IMMP2L: variants seen among roughly 807,000 people sequenced by gnomAD.
IMMP2L encodes the protein inner mitochondrial membrane peptidase subunit 2.
A neutral mutation model predicts 19.3 loss-of-function variants in IMMP2L; 18 were observed. The observed-to-expected ratio is 0.93, with a 90% CI of 0.64 to 1.38. IMMP2L has a LOEUF of 1.38. IMMP2L is among the 40% of genes most tolerant of loss of function. The pLI is 0.00. For missense variants in IMMP2L, 233 were observed against 218.2 expected (o/e 1.07, Z -0.43); for synonymous variants, 76 against 73.0 (o/e 1.04, Z -0.21).
intron 3 of IMMP2L, among the ~76,000 whole-genome samples, chr7:111,072,459 A>C (rs971688229): frequency 6.6e-6 from 1 of 152,206 alleles, no homozygotes; most frequent in Admixed American, 6.5e-5. Context: ...ATGCAGTGTA[A>C]ACTGCATTAC....
At chr7:110,713,532 C>T (rs1392681957) in intron 5 of IMMP2L, among the ~76,000 whole-genome samples, 1 of 152,108 alleles carries the variant, frequency 6.6e-6, no homozygotes, top group Non-Finnish European at 1.5e-5. Context: ...TTAATTCTTC[C>T]AATCAATGAG....
chr7:111,242,100 G>A (rs1191876208), intron 3 of IMMP2L, among the ~76,000 whole-genome samples: 1 of 151,930 alleles, frequency 6.6e-6, no homozygotes, highest in African/African-American at 2.4e-5. Flanking sequence ...AGGTTAAAAT[G>A]AAAACAATAA....
chr7:110,888,987 G>C (rs1810508052), intron 4 of IMMP2L, among the ~76,000 whole-genome samples: 1 of 152,212 alleles, frequency 6.6e-6, no homozygotes, highest in Non-Finnish European at 1.5e-5. Flanking sequence ...GAATAATAGA[G>C]TGGGAAGTAC....
intron 2 of IMMP2L, among the ~76,000 whole-genome samples, chr7:111,489,651 C>T (rs1326908281): frequency 6.6e-6 from 1 of 152,146 alleles, no homozygotes; most frequent in African/African-American, 2.4e-5. Flanking sequence ...TGTCAAAATT[C>T]TGCATGGAGG....
chr7:111,142,315 G>A (rs1334858939), intron 3 of IMMP2L, among the ~76,000 whole-genome samples: 8 of 137,128 alleles, frequency 5.8e-5, no homozygotes, highest in Non-Finnish European at 9.0e-5. Flanking sequence ...AACAGGGTGA[G>A]ACTCTGTCTC....
rs557537737 is a variant in IMMP2L at position 111,411,471 on chromosome 7, C to T, written c.239+75767G>A. ...CTCTTCGTGTACCTGAACGAAGTCA[C>T]GGGCAAGCACGGCATGGGCTGTATT... is the stretch of plus-strand genomic sequence containing the variant. On this transcript the variant is annotated intron_variant, in intron 3 of 5. Coordinates refer to ENST00000405709, the MANE Select transcript of IMMP2L (RefSeq NM_032549.4). 3.6e-4 allele frequency: 177 copies of T among 486,746 alleles called. 4 individuals carry two copies. The Middle Eastern group carries it at 5.5e-3, about 15-fold the overall frequency. The allele number at this position is 486,746 out of a possible 1,614,324, so 30.2% of individuals were successfully genotyped here. A position where few individuals can be genotyped will look rare whatever the true frequency, so the allele number is the denominator to read the frequency against.
At chr7:111,535,339 A>AG (rs869275535) in intron 1 of IMMP2L, among the ~76,000 whole-genome samples, 1 of 152,038 alleles carries the variant, frequency 6.6e-6, no homozygotes, top group African/African-American at 2.4e-5. Flanking sequence ...GGAAAGAAAG[A>AG]GGGGGAAAAA....
rs1443834621 is a variant in IMMP2L, at chr7:111,391,668, A to G, written c.239+95570T>C. Among the ~76,000 whole-genome samples the G allele has an allele frequency of 3.3e-5, 5 of 152,300 alleles. No individual in the cohort carries two copies. In the East Asian group the frequency reaches 9.6e-4, roughly 29 times the overall value. On this transcript the variant is annotated intron_variant, in intron 3 of 5. Coordinates refer to ENST00000405709, the MANE Select transcript of IMMP2L (RefSeq NM_032549.4). ...CCAACGTGAAAATTATAGGTAATGC[A>G]CTGCCTTCGTTTTATACAGAATGAC...
At chr7:111,276,578 G>C (rs1260639893) in intron 3 of IMMP2L, among the ~76,000 whole-genome samples, 7 of 148,774 alleles carry the variant, frequency 4.7e-5, no homozygotes, top group Admixed American at 6.8e-5. Flanking sequence ...CTGATCCTGG[G>C]CTTTTACCAA....
chr7:110,788,362 G>A (rs1800229334), intron 5 of IMMP2L, among the ~76,000 whole-genome samples: 1 of 149,286 alleles, frequency 6.7e-6, no homozygotes, highest in African/African-American at 2.6e-5. Flanking sequence ...TGATGCAGTG[G>A]ATTTAAGCTA....
chr7:111,463,693 T>C (rs1840351046), intron 3 of IMMP2L, among the ~76,000 whole-genome samples: 1 of 152,116 alleles, frequency 6.6e-6, no homozygotes, highest in African/African-American at 2.4e-5. Context: ...TATGATGACA[T>C]CCCACTGTTG....
intron 3 of IMMP2L, among the ~76,000 whole-genome samples, chr7:111,417,688 G>T (rs983536678): frequency 2.0e-5 from 3 of 151,844 alleles, no homozygotes; most frequent in African/African-American, 7.3e-5. Flanking sequence ...CTACTCTGTG[G>T]AAAATTCTTC....
At chr7:111,470,383 C>T (rs1841128381) in intron 3 of IMMP2L, among the ~76,000 whole-genome samples, 1 of 151,818 alleles carries the variant, frequency 6.6e-6, no homozygotes, top group African/African-American at 2.4e-5. Flanking sequence ...GGGTATATAC[C>T]CAAAGGACTA....
intron 3 of IMMP2L, among the ~76,000 whole-genome samples, chr7:111,130,780 G>A (rs968382809): frequency 2.6e-5 from 4 of 151,944 alleles, no homozygotes; most frequent in Admixed American, 6.6e-5. Context: ...AAAAGAATAC[G>A]ATATAAAATT....
intron 3 of IMMP2L, among the ~76,000 whole-genome samples, chr7:111,339,138 A>C (rs927310334): frequency 3.9e-5 from 6 of 152,100 alleles, no homozygotes; most frequent in Admixed American, 3.3e-4. Context: ...CAACTGAATT[A>C]TATAATAGAA....
At chr7:111,007,869 C>A (rs1824471953) in intron 3 of IMMP2L, among the ~76,000 whole-genome samples, 1 of 152,000 alleles carries the variant, frequency 6.6e-6, no homozygotes, top group Non-Finnish European at 1.5e-5. Flanking sequence ...AAGCCTGATT[C>A]CCCGACTTTC....
intron 3 of IMMP2L, among the ~76,000 whole-genome samples, chr7:111,326,824 C>G (rs1261323196): frequency 6.6e-6 from 1 of 151,770 alleles, no homozygotes; most frequent in African/African-American, 2.4e-5. Flanking sequence ...TTGGAGCAAT[C>G]CCATTTTCAG....
intron 3 of IMMP2L, among the ~76,000 whole-genome samples, chr7:111,220,060 T>C (rs990866480): frequency 2.6e-5 from 4 of 152,064 alleles, no homozygotes; most frequent in African/African-American, 9.7e-5. Context: ...ATGTCACTTA[T>C]CTACTAGGTT....
At position 111,327,045 on chromosome 7, in the gene IMMP2L, G is replaced by A. The variant is rs143575378; in HGVS notation, c.239+160193C>T. Among the ~76,000 whole-genome samples, 842 of 151,756 alleles carry A rather than the reference G, an allele frequency of 5.5e-3. 7 individuals are homozygous for A. The highest frequency in any genetic ancestry group is 0.028 in the South Asian group (133 of 4,806). On this transcript the variant is annotated intron_variant, in intron 3 of 5. Coordinates refer to ENST00000405709, the MANE Select transcript of IMMP2L (RefSeq NM_032549.4). ...ATATTATTCAGCTTCTAAAAAGAAG[G>A]GAATCCTGGCATATGGATGGGGAAA...
Sources: allele counts gnomAD v4.1 joint callset (sites outside exome capture counted in the v4.1 genomes callset), GRCh38; gene constraint gnomAD v4.1.1; transcripts MANE v1.5; gene names NCBI Gene and HGNC (gene_info 2026-07-23, HGNC 2026-07-21).